Variants in DIS3L2 observed in about 807,000 individuals in gnomAD.
DIS3L2 encodes the protein DIS3-like exonuclease 2.
Under a neutral mutation model 97.5 loss-of-function variants are expected in DIS3L2, and 34 were observed. The ratio of observed to expected loss-of-function variants is 0.35; its 90% CI spans 0.27 to 0.46. The LOEUF is 0.46. Ranked by LOEUF, DIS3L2 falls within the 20% of genes least tolerant of loss-of-function variation. The pLI is 1.00. For missense variants in DIS3L2, 1,038 were observed against 1,146.0 expected (o/e 0.91, Z 1.36); for synonymous variants, 435 against 445.2 (o/e 0.98, Z 0.29).
chr2:231,987,341 AATAC>A (rs1181892493), intron 1 of DIS3L2, among the ~76,000 whole-genome samples: 2 of 152,232 alleles, frequency 1.3e-5, no homozygotes, highest in Non-Finnish European at 1.5e-5. Flanking sequence ...AGTAATATGA[AATAC>A]ATGTGTATGG....
intron 3 of DIS3L2, among the ~76,000 whole-genome samples, chr2:232,016,970 C>T (rs958016643): frequency 7.3e-6 from 1 of 137,928 alleles, no homozygotes; most frequent in African/African-American, 2.6e-5. Flanking sequence ...CTTTCTTTAC[C>T]TTTCTGTATT....
At chr2:232,074,571 CTTTTTTTTTTTT>C (rs66518544) in intron 5 of DIS3L2, among the ~76,000 whole-genome samples, 1 of 104,192 alleles carries the variant, frequency 9.6e-6, no homozygotes, top group African/African-American at 3.7e-5. Context: ...ATCAAGGAAC[CTTTTTTTTTTTT>C]TTTTTTTTGC....
At chr2:232,251,371 A>G (rs1693413305) in intron 12 of DIS3L2, among the ~76,000 whole-genome samples, 2 of 152,214 alleles carry the variant, frequency 1.3e-5, no homozygotes, top group Admixed American at 6.5e-5. Context: ...GGAATTAAAC[A>G]CAGGTTAGAA....
At chr2:232,166,165 G>A (rs1690806788) in intron 9 of DIS3L2, among the ~76,000 whole-genome samples, 2 of 151,948 alleles carry the variant, frequency 1.3e-5, no homozygotes, top group Non-Finnish European at 1.5e-5. Context: ...AAGCTGGGGC[G>A]GGAGGATTGT....
At chr2:232,068,281 A>G (rs1256084213) in intron 5 of DIS3L2, among the ~76,000 whole-genome samples, 1 of 152,014 alleles carries the variant, frequency 6.6e-6, no homozygotes, top group Non-Finnish European at 1.5e-5. Flanking sequence ...TCATCAATAT[A>G]TGAGGGTGGG....
At chr2:232,327,378 G>A (rs1373885355) in intron 14 of DIS3L2, among the ~76,000 whole-genome samples, 2 of 152,242 alleles carry the variant, frequency 1.3e-5, no homozygotes, top group African/African-American at 2.4e-5. Context: ...GGGAAAGCAG[G>A]CACCACAGAA....
chr2:232,258,890 AGAC>A (rs1693641931), intron 12 of DIS3L2, among the ~76,000 whole-genome samples: 1 of 152,196 alleles, frequency 6.6e-6, no homozygotes, highest in Admixed American at 6.5e-5. Flanking sequence ...TCTCTGTGTC[AGAC>A]GACAACAGAC....
rs191498594 is a variant in DIS3L2, at chr2:231,969,544, C to G, written c.-94+7779C>G. ...CAGGCCAGCGTCAAACTCCTGATCT[C>G]AAATGATCTGTCCGCCTCAGCCTCC... On this transcript the variant is annotated intron_variant, in intron 1 of 20. Transcript: ENST00000325385. Among the ~76,000 whole-genome samples the G allele has an allele frequency of 5.3e-3, 804 of 152,290 alleles. 7 individuals are homozygous for G. The highest frequency in any genetic ancestry group is 0.017 in the South Asian group (82 of 4,828).
chr2:232,266,781 T>C lies in DIS3L2; in HGVS notation c.1659+3341T>C, dbSNP rs138563924. On this transcript the variant is annotated intron_variant, in intron 13 of 20. Coordinates refer to ENST00000325385, the MANE Select transcript of DIS3L2 (RefSeq NM_152383.5). ...ATGCTTTGTTTGCCTCAGACCACTATGTCCGTGCTTTTGGTGGCAGTCCTT... is the reference window on the plus strand; with the variant it reads ...ATGCTTTGTTTGCCTCAGACCACTACGTCCGTGCTTTTGGTGGCAGTCCTT... Among the ~76,000 whole-genome samples the C allele has an allele frequency of 4.9e-3, 754 of 152,346 alleles. 3 individuals carry two copies. The highest frequency in any genetic ancestry group is 0.016 in the African/African-American group (684 of 41,582).
intron 9 of DIS3L2, among the ~76,000 whole-genome samples, chr2:232,205,213 T>C (rs1216139061): frequency 1.5e-4 from 7 of 45,758 alleles, no homozygotes; most frequent in African/African-American, 6.8e-4. Context: ...GCAGTTTACA[T>C]ATATATATAT....
chr2:232,226,847 T>C (rs1037330373), intron 10 of DIS3L2, among the ~76,000 whole-genome samples: 10 of 152,188 alleles, frequency 6.6e-5, no homozygotes, highest in Non-Finnish European at 1.3e-4. Flanking sequence ...TGCTTGCCTG[T>C]AGTCTCAGCT....
At chr2:231,975,704 CAAAAAAAAA>C (rs34710079) in intron 1 of DIS3L2, among the ~76,000 whole-genome samples, 2 of 55,410 alleles carry the variant, frequency 3.6e-5, no homozygotes, top group Non-Finnish European at 6.9e-5. Context: ...GACTCCGCCT[CAAAAAAAAA>C]AAAAAAAAAA....
chr2:232,021,090 T>G (rs963594926), intron 3 of DIS3L2, among the ~76,000 whole-genome samples: 8 of 152,178 alleles, frequency 5.3e-5, no homozygotes, highest in Admixed American at 5.2e-4. Flanking sequence ...TTAGACTGAT[T>G]TAGCCCAGTT....
intron 7 of DIS3L2, among the ~76,000 whole-genome samples, chr2:232,133,212 C>G (rs1698267170): frequency 6.6e-6 from 1 of 152,204 alleles, no homozygotes; most frequent in Non-Finnish European, 1.5e-5. Flanking sequence ...ATCCCCATTC[C>G]ATACTTAGAC....
At chr2:231,986,707 A>G (rs1161145157) in intron 1 of DIS3L2, among the ~76,000 whole-genome samples, 3 of 152,224 alleles carry the variant, frequency 2.0e-5, no homozygotes, top group African/African-American at 7.2e-5. Flanking sequence ...GAAAGATGAA[A>G]TAATTTGCTC....
intron 5 of DIS3L2, among the ~76,000 whole-genome samples, chr2:232,065,036 CCTAT>C (rs761204547): frequency 1.3e-5 from 2 of 152,024 alleles, no homozygotes; most frequent in Non-Finnish European, 2.9e-5. Context: ...CCTTTGGTTT[CCTAT>C]CTAATATATC....
intron 10 of DIS3L2, among the ~76,000 whole-genome samples, chr2:232,235,214 A>G (rs1692900490): frequency 6.6e-6 from 1 of 152,224 alleles, no homozygotes; most frequent in Admixed American, 6.5e-5. Flanking sequence ...TCCCTGGCAG[A>G]TGAAAGTTTT....
intron 11 of DIS3L2, 42 bp from the exon 12 acceptor site, chr2:232,249,197 G>C: frequency 6.2e-7 from 1 of 1,601,332 alleles, no homozygotes; most frequent in Non-Finnish European, 8.5e-7. Context: ...TCTCCTAAGC[G>C]GGTTGGAGAA....
intron 9 of DIS3L2, among the ~76,000 whole-genome samples, chr2:232,185,875 T>C (rs919895972): frequency 1.4e-5 from 2 of 147,858 alleles, no homozygotes; most frequent in African/African-American, 2.5e-5. Flanking sequence ...AAGCACGATA[T>C]GCCCAAAGTA....
Sources: allele counts gnomAD v4.1 joint callset (sites outside exome capture counted in the v4.1 genomes callset), GRCh38; gene constraint gnomAD v4.1.1; transcripts MANE v1.5; gene names NCBI Gene and HGNC (gene_info 2026-07-23, HGNC 2026-07-21).